The following TSHZ2 variants were observed in gnomAD, a reference collection of about 807,000 sequenced individuals.
The protein encoded by TSHZ2 is teashirt zinc finger homeobox 2.
A neutral mutation model predicts 74.4 loss-of-function variants in TSHZ2; 21 were observed. The observed-to-expected ratio is 0.28, with a 90% CI of 0.20 to 0.41. The LOEUF is 0.41. Ranked by LOEUF, TSHZ2 falls within the 10% of genes least tolerant of loss-of-function variation. The probability of loss-of-function intolerance (pLI) is 1.00; values close to 1 mark genes in which losing one functional copy is unlikely to be tolerated. For synonymous variants in TSHZ2, 540 were observed against 515.3 expected, an observed-to-expected ratio of 1.05 and a Z score of -0.65; for missense variants, 1,244 against 1,293.5, an observed-to-expected ratio of 0.96 and a Z score of 0.59.
intron 2 of TSHZ2, among the ~76,000 whole-genome samples, chr20:53,416,626 A>C (rs1478082701): frequency 1.3e-5 from 2 of 152,208 alleles, no homozygotes; most frequent in African/African-American, 4.8e-5. Context: ...CTGTTACAGA[A>C]ACCCTATGGC....
chr20:53,147,891 A>G (rs1289491239), intron 1 of TSHZ2, among the ~76,000 whole-genome samples: 1 of 152,000 alleles, frequency 6.6e-6, no homozygotes, highest in Non-Finnish European at 1.5e-5. Flanking sequence ...TAACTTTTGT[A>G]TTTTTAGTAG....
chr20:53,013,034 C>T (rs1357423370), intron 1 of TSHZ2, among the ~76,000 whole-genome samples: 1 of 152,178 alleles, frequency 6.6e-6, no homozygotes, highest in Admixed American at 6.5e-5. Context: ...GGGTTTAACA[C>T]ATTTTACTTG....
chr20:53,172,418 AT>A (rs1308479197), intron 1 of TSHZ2, among the ~76,000 whole-genome samples: 6 of 151,708 alleles, frequency 4.0e-5, no homozygotes. Context: ...TTTTATTTTT[AT>A]TTTTTAGATT....
intron 1 of TSHZ2, among the ~76,000 whole-genome samples, chr20:53,208,303 G>C (rs551089557): frequency 1.3e-5 from 2 of 152,290 alleles, no homozygotes; most frequent in East Asian, 3.9e-4. Flanking sequence ...CAGGCTGGCT[G>C]TTCCTCACCC....
chr20:53,190,215 TTCTC>T (rs939440074), intron 1 of TSHZ2, among the ~76,000 whole-genome samples: 26 of 146,572 alleles, frequency 1.8e-4, no homozygotes, highest in Non-Finnish European at 2.7e-4. Context: ...TTCTCTTTCT[TTCTC>T]TCATTAAATT....
At position 53,253,987 on chromosome 20, in the gene TSHZ2, C is replaced by A. The variant is rs150596517; in HGVS notation, c.529C>A (p.Leu177Met). 2 of 1,614,162 alleles carry A rather than the reference C, an allele frequency of 1.2e-6. No homozygotes were observed. Among genetic ancestry groups the A allele is most frequent in the South Asian group, 2.2e-5 (2 of 91,072 alleles). The change falls in exon 2 of 3, where the codon CTG (leucine) becomes ATG (methionine). Residue 177 changes from leucine to methionine, a missense_variant. Leu to Met is a conservative substitution (Grantham distance 15, BLOSUM62 2). This residue lies in a region of TSHZ2 where 470 missense variants were observed against 456.5 expected (regional missense o/e 1.03). Transcript: ENST00000371497. The part of the protein sequence containing the change: ...DWHQDALSKS[L>M]QQNLPSRSVS... ...GCACCAAGACGCTCTGTCCAAAAGC[C>A]TGCAGCAGAACTTGCCTTCTCGGTC...
In TSHZ2 at chr20:53,291,993, TA is replaced by T. The variant is rs11411553; in HGVS notation, c.*8+35437del. On this transcript the variant is annotated intron_variant, in intron 2 of 2. Coordinates refer to ENST00000371497, the MANE Select transcript of TSHZ2 (RefSeq NM_173485.6). ...ACAGAAAGATAGTCAGGATAGCATTTAAAAAAAAAAAAAAAGAACAGATAGG... is the reference window on the plus strand; with the variant it reads ...ACAGAAAGATAGTCAGGATAGCATTTAAAAAAAAAAAAAAGAACAGATAGG... Among the ~76,000 whole-genome samples, 1,047 of 140,912 alleles carry T rather than the reference TA, an allele frequency of 7.4e-3. 6 individuals are homozygous for T. The highest frequency in any genetic ancestry group is 0.019 in the South Asian group (83 of 4,424). The allele number at this position is 140,912 out of a possible 152,430, so 92.4% of individuals were successfully genotyped here.
At chr20:53,042,043 C>T (rs1444688860) in intron 1 of TSHZ2, among the ~76,000 whole-genome samples, 4 of 151,166 alleles carry the variant, frequency 2.6e-5, no homozygotes, top group African/African-American at 9.8e-5. Flanking sequence ...GCATATTACC[C>T]AAATGTGGGA....
At chr20:52,983,424 T>C (rs922948074) in intron 1 of TSHZ2, among the ~76,000 whole-genome samples, 1 of 152,240 alleles carries the variant, frequency 6.6e-6, no homozygotes, top group African/African-American at 2.4e-5. Flanking sequence ...TCTAGGCACC[T>C]GAGTTAGTCC....
chr20:53,359,055 C>T (rs780269294), intron 2 of TSHZ2, among the ~76,000 whole-genome samples: 2 of 152,106 alleles, frequency 1.3e-5, no homozygotes, highest in African/African-American at 4.8e-5. Flanking sequence ...CCCATGTTAA[C>T]GTTTTTCTTC....
At chr20:53,418,134 G>C (rs1052781257) in intron 2 of TSHZ2, among the ~76,000 whole-genome samples, 1 of 152,190 alleles carries the variant, frequency 6.6e-6, no homozygotes, top group Non-Finnish European at 1.5e-5. Context: ...TTAAGCAGAG[G>C]TCTATATGAT....
At chr20:53,323,276 C>T (rs533514129) in intron 2 of TSHZ2, among the ~76,000 whole-genome samples, 61 of 152,330 alleles carry the variant, frequency 4.0e-4, no homozygotes, top group African/African-American at 1.4e-3. Context: ...TCTGCCAAAA[C>T]AGACAGTACT....
chr20:53,448,974 C>T (rs370188602), intron 2 of TSHZ2, among the ~76,000 whole-genome samples: 1 of 152,048 alleles, frequency 6.6e-6, no homozygotes, highest in African/African-American at 2.4e-5. Context: ...ACCAACTCTC[C>T]CACACACAAA....
At chr20:53,133,437 T>C (rs763297211) in intron 1 of TSHZ2, among the ~76,000 whole-genome samples, 14 of 152,194 alleles carry the variant, frequency 9.2e-5, no homozygotes, top group Non-Finnish European at 1.8e-4. Context: ...GCCACTTTGG[T>C]AGGCATCATC....
At chr20:53,468,688 C>CAAAAAAAAAAA (rs1158529552) in intron 2 of TSHZ2, among the ~76,000 whole-genome samples, 50 of 65,232 alleles carry the variant, frequency 7.7e-4, no homozygotes, top group East Asian at 2.7e-3. Flanking sequence ...CATTACGAGA[C>CAAAAAAAAAAA]AAAAAAAAAA....
chr20:53,238,645 T>G (rs1453512742), intron 1 of TSHZ2, among the ~76,000 whole-genome samples: 1 of 151,936 alleles, frequency 6.6e-6, no homozygotes, highest in African/African-American at 2.4e-5. Context: ...ACACACACAA[T>G]GCACACACAG....
intron 1 of TSHZ2, among the ~76,000 whole-genome samples, chr20:53,210,891 G>A (rs1989287517): frequency 1.3e-5 from 2 of 152,038 alleles, no homozygotes; most frequent in Non-Finnish European, 2.9e-5. Flanking sequence ...ATGACAAAGG[G>A]GTTTATGAGA....
chr20:53,319,905 A>C (rs183165788), intron 2 of TSHZ2, among the ~76,000 whole-genome samples: 1 of 152,222 alleles, frequency 6.6e-6, no homozygotes, highest in Non-Finnish European at 1.5e-5. Flanking sequence ...ATTACTCTAC[A>C]GTGTGGCTAG....
chr20:53,073,654 A>G (rs1324657311), intron 1 of TSHZ2, among the ~76,000 whole-genome samples: 1 of 152,156 alleles, frequency 6.6e-6, no homozygotes, highest in Admixed American at 6.5e-5. Context: ...AAGGAAGGGG[A>G]TGATACGGGA....
Sources: gnomAD v4.1 joint callset for allele counts (sites outside exome capture counted in the v4.1 genomes callset) on GRCh38, gnomAD v4.1.1 for gene constraint, gnomAD v4.1.1 regional missense constraint, MANE v1.5 for transcripts, NCBI Gene and HGNC (gene_info 2026-07-23, HGNC 2026-07-21) for gene names.